IFTAP: variants seen among roughly 807,000 people sequenced by gnomAD.
The protein encoded by IFTAP is intraflagellar transport-associated protein.
A neutral mutation model predicts 19.4 loss-of-function variants in IFTAP; 19 were observed. The ratio of observed to expected loss-of-function variants is 0.98; its 90% CI spans 0.68 to 1.44. The LOEUF is 1.44. Among genes scored for constraint, IFTAP ranks in the 40% most tolerant of loss-of-function variants. The pLI is 0.00. For synonymous variants in IFTAP, 85 were observed against 83.5 expected (o/e 1.02, Z -0.10); for missense variants, 240 against 253.6 (o/e 0.95, Z 0.36).
intron 4 of IFTAP, among the ~76,000 whole-genome samples, chr11:36,642,316 G>A (rs1015130044): frequency 5.3e-5 from 8 of 151,980 alleles, no homozygotes; most frequent in Non-Finnish European, 7.4e-5. Context: ...GGAAGAAGTC[G>A]AATCCCTGAA....
At chr11:36,598,771 G>A (rs371849772) in intron 1 of IFTAP, among the ~76,000 whole-genome samples, 1 of 152,120 alleles carries the variant, frequency 6.6e-6, no homozygotes, top group East Asian at 1.9e-4. Context: ...CTATTTTTCA[G>A]GTAGTAGAGT....
intron 5 of IFTAP, among the ~76,000 whole-genome samples, chr11:36,648,767 G>A (rs994028106): frequency 4.6e-5 from 7 of 152,018 alleles, no homozygotes; most frequent in Non-Finnish European, 7.4e-5. Context: ...AGAACATGGG[G>A]GCAGCATGTT....
chr11:36,610,275 G>A lies in IFTAP; in HGVS notation c.136+36G>A, dbSNP rs113645801. The A allele has an allele frequency of 2.6e-5, 40 of 1,541,634 alleles. No individual in the cohort carries two copies. The African/African-American group carries it at 4.2e-4, about 16-fold the overall frequency. ...GAAGTAAACTTTCTGCAGCAATGGA[G>A]ATAAATAATTTTATTATAAGTGTAT... On this transcript the variant is annotated intron_variant, in intron 2 of 5. Coordinates refer to ENST00000334307, the MANE Select transcript of IFTAP (RefSeq NM_138787.4).
Position 36,643,340 on chromosome 11 carries a change from A to G in IFTAP, c.359-4676A>G, listed in dbSNP as rs189601277. 4.6e-5 allele frequency among the ~76,000 whole-genome samples: 7 copies of G among 152,320 alleles called. No homozygotes were observed. In the East Asian group the frequency reaches 1.2e-3, roughly 25 times the overall value. On this transcript the variant is annotated intron_variant, in intron 4 of 5. Coordinates refer to ENST00000334307, the MANE Select transcript of IFTAP (RefSeq NM_138787.4). Reference sequence around the variant, plus strand: ...GAACTACAAACCAACTGCTCAATGAAATAAAAGAGGATACAAACAAATGGA... The same window carrying G: ...GAACTACAAACCAACTGCTCAATGAGATAAAAGAGGATACAAACAAATGGA...
intron 4 of IFTAP, among the ~76,000 whole-genome samples, chr11:36,646,311 C>T (rs1214671113): frequency 1.3e-5 from 2 of 152,136 alleles, no homozygotes; most frequent in African/African-American, 2.4e-5. Flanking sequence ...GTTTTCATGT[C>T]GAGAGGCCCA....
chr11:36,594,636 T>C (rs954878109), intron 1 of IFTAP, 44 bp downstream of exon 1: 2 of 171,016 alleles, frequency 1.2e-5, no homozygotes, highest in African/African-American at 4.8e-5. Context: ...AACTAGGGAA[T>C]GGGAGGTGAG....
intron 1 of IFTAP, among the ~76,000 whole-genome samples, chr11:36,599,418 A>C (rs918686483): frequency 6.6e-6 from 1 of 152,212 alleles, no homozygotes; most frequent in African/African-American, 2.4e-5. Flanking sequence ...AGAGCTAGGC[A>C]AATCTGGGTT....
intron 1 of IFTAP, among the ~76,000 whole-genome samples, chr11:36,606,734 A>G (rs1851707182): frequency 6.6e-6 from 1 of 152,256 alleles, no homozygotes; most frequent in East Asian, 1.9e-4. Flanking sequence ...TTGTTTGCTG[A>G]AGTAACTTAC....
intron 2 of IFTAP, among the ~76,000 whole-genome samples, chr11:36,624,744 G>C (rs191813392): frequency 6.6e-6 from 1 of 152,170 alleles, no homozygotes; most frequent in East Asian, 1.9e-4. Context: ...ACAAGGGTGT[G>C]GGGGGGTGTC....
chr11:36,608,399 T>C (rs1296793046), intron 1 of IFTAP, among the ~76,000 whole-genome samples: 3 of 152,234 alleles, frequency 2.0e-5, no homozygotes, highest in Non-Finnish European at 4.4e-5. Context: ...GGAAGCTTGG[T>C]GCTCTCCCTT....
intron 2 of IFTAP, among the ~76,000 whole-genome samples, chr11:36,614,346 CT>C (rs1851988862): frequency 6.7e-6 from 1 of 148,156 alleles, no homozygotes; most frequent in African/African-American, 2.6e-5. Flanking sequence ...GGTTCCAACT[CT>C]TTGCTATTGT....
rs1193357447 is a variant in IFTAP at position 36,654,724 on chromosome 11, T to C, written c.499-4295T>C. 2.6e-5 allele frequency among the ~76,000 whole-genome samples: 4 copies of C among 152,312 alleles called. 1 individual carries two copies. The Middle Eastern group carries it at 0.01, about 389-fold the overall frequency. On this transcript the variant is annotated intron_variant, in intron 5 of 5. Coordinates refer to ENST00000334307, the MANE Select transcript of IFTAP (RefSeq NM_138787.4). ...AGATTGAACTCTGCTTATCTTTACC[T>C]GCTTCCCTTTCTGCATTCTTCCTTT... is the stretch of plus-strand genomic sequence containing the variant.
chr11:36,651,385 C>T (rs1474631653), intron 5 of IFTAP, among the ~76,000 whole-genome samples: 1 of 152,012 alleles, frequency 6.6e-6, no homozygotes, highest in Non-Finnish European at 1.5e-5. Context: ...TGTCCTTCAC[C>T]CACTTTTTGA....
intron 5 of IFTAP, 109 bp downstream of exon 5, chr11:36,648,264 A>G (rs1205515407): frequency 2.0e-5 from 28 of 1,382,872 alleles, no homozygotes; most frequent in Non-Finnish European, 2.3e-5. Context: ...GGGAAAATAT[A>G]AAATTCAAGT....
Position 36,629,743 on chromosome 11 carries a change from G to T in IFTAP, c.137-3541G>T, listed in dbSNP as rs149155707. On this transcript the variant is annotated intron_variant, in intron 2 of 5. Coordinates refer to ENST00000334307, the MANE Select transcript of IFTAP (RefSeq NM_138787.4). ...CTTTGGTCTGAAATTAGACCCTATA[G>T]GTGTGGTGGGGGCCTTGTAAGGGAG... Among the ~76,000 whole-genome samples the T allele has an allele frequency of 7.7e-3, 1,166 of 151,262 alleles. 91 individuals carry two copies. The highest frequency in any genetic ancestry group is 0.027 in the African/African-American group (1,107 of 40,600).
chr11:36,622,980 A>G (rs962999234), intron 2 of IFTAP, among the ~76,000 whole-genome samples: 2 of 152,114 alleles, frequency 1.3e-5, no homozygotes, highest in East Asian at 1.9e-4. Context: ...ATGCAATACT[A>G]TGTCTCCACA....
At chr11:36,648,418 C>T in intron 5 of IFTAP, 2 of 310,976 alleles carry the variant, frequency 6.4e-6, no homozygotes, top group Non-Finnish European at 1.2e-5. Flanking sequence ...CCAAGGACTA[C>T]ACAATAGAAA....
intron 4 of IFTAP, among the ~76,000 whole-genome samples, chr11:36,642,964 C>A (rs1394965880): frequency 1.3e-5 from 2 of 152,188 alleles, no homozygotes; most frequent in African/African-American, 4.8e-5. Flanking sequence ...AGGATGCCCT[C>A]TTTCACCACT....
chr11:36,624,137 A>C (rs1282582192), intron 2 of IFTAP, among the ~76,000 whole-genome samples: 1 of 152,164 alleles, frequency 6.6e-6, no homozygotes, highest in Non-Finnish European at 1.5e-5. Context: ...TTCAAATAAA[A>C]GTATAGTTTT....
Sources: gnomAD v4.1 joint callset for allele counts (sites outside exome capture counted in the v4.1 genomes callset) on GRCh38, gnomAD v4.1.1 for gene constraint, MANE v1.5 for transcripts, NCBI Gene and HGNC (gene_info 2026-07-23, HGNC 2026-07-21) for gene names.